The following SAMD12 variants were observed in gnomAD, a reference collection of about 807,000 sequenced individuals.
The protein encoded by SAMD12 is sterile alpha motif domain-containing protein 12.
SAMD12 carries 9 observed loss-of-function variants against 15.0 expected under a neutral mutation model. That is an observed-to-expected ratio of 0.60 (90% CI 0.36 to 1.05). The LOEUF is 1.05. SAMD12 is among the 50% of genes least tolerant of loss of function. SAMD12 has a pLI of 0.01. For missense variants in SAMD12, 230 were observed against 234.2 expected (o/e 0.98, Z 0.12); for synonymous variants, 86 against 90.1 (o/e 0.96, Z 0.25).
chr8:118,566,432 C>T (rs752688943), intron 2 of SAMD12, among the ~76,000 whole-genome samples: 4 of 152,068 alleles, frequency 2.6e-5, no homozygotes, highest in Admixed American at 6.6e-5. Flanking sequence ...TTTTGAGATA[C>T]GGTTACCCAA....
intron 4 of SAMD12, among the ~76,000 whole-genome samples, chr8:118,257,440 G>C (rs1812973461): frequency 6.6e-6 from 1 of 152,100 alleles, no homozygotes; most frequent in African/African-American, 2.4e-5. Flanking sequence ...GGGTTACTGT[G>C]TTCCAAGAAT....
chr8:118,606,142 C>T (rs540867950), intron 1 of SAMD12, among the ~76,000 whole-genome samples: 47 of 152,020 alleles, frequency 3.1e-4, no homozygotes, highest in Non-Finnish European at 6.3e-4. Flanking sequence ...GCATTAGGTA[C>T]CTTGGAGACC....
intron 2 of SAMD12, among the ~76,000 whole-genome samples, chr8:118,486,372 C>A (rs1046069709): frequency 1.5e-4 from 22 of 151,174 alleles, no homozygotes; most frequent in African/African-American, 4.4e-4. Context: ...GCCGAGATTG[C>A]GCCACTGCAC....
intron 2 of SAMD12, among the ~76,000 whole-genome samples, chr8:118,531,287 T>G (rs1825678315): frequency 6.6e-6 from 1 of 152,252 alleles, no homozygotes; most frequent in Non-Finnish European, 1.5e-5. Flanking sequence ...CATTGGTCTA[T>G]ATCTCTGTTT....
At chr8:118,523,015 G>A (rs961351266) in intron 2 of SAMD12, among the ~76,000 whole-genome samples, 4 of 152,122 alleles carry the variant, frequency 2.6e-5, no homozygotes, top group African/African-American at 9.7e-5. Context: ...AGCTGAAAAT[G>A]CAATTTTATT....
chr8:118,304,698 T>A (rs1247163747), intron 4 of SAMD12, among the ~76,000 whole-genome samples: 1 of 150,604 alleles, frequency 6.6e-6, no homozygotes, highest in East Asian at 2.0e-4. Context: ...AGGTGGAGGT[T>A]GCAGTGAGCT....
chr8:118,319,847 T>C (rs185349794), intron 4 of SAMD12, among the ~76,000 whole-genome samples: 2 of 152,268 alleles, frequency 1.3e-5, no homozygotes, highest in East Asian at 1.9e-4. Flanking sequence ...GGTGTCTGAG[T>C]TTGAGATGCC....
chr8:118,579,869 C>T (rs1827241024), intron 2 of SAMD12, among the ~76,000 whole-genome samples: 1 of 152,102 alleles, frequency 6.6e-6, no homozygotes, highest in East Asian at 1.9e-4. Context: ...ACACTGTGCC[C>T]CCAACATGAA....
chr8:118,396,977 C>G (rs1250175048), intron 3 of SAMD12, among the ~76,000 whole-genome samples: 1 of 152,112 alleles, frequency 6.6e-6, no homozygotes, highest in Non-Finnish European at 1.5e-5. Flanking sequence ...ATGTTTCTGG[C>G]TTGGGCAATA....
At chr8:118,441,226 A>G (rs1178096676) in intron 2 of SAMD12, among the ~76,000 whole-genome samples, 2 of 152,198 alleles carry the variant, frequency 1.3e-5, no homozygotes, top group Non-Finnish European at 2.9e-5. Context: ...GTGTATTTAA[A>G]GTTACCCTTT....
At chr8:118,597,028 T>C (rs1473992318) in intron 1 of SAMD12, among the ~76,000 whole-genome samples, 2 of 152,012 alleles carry the variant, frequency 1.3e-5, no homozygotes, top group African/African-American at 4.8e-5. Flanking sequence ...GTGGATGGAA[T>C]CACATGTGCA....
intron 4 of SAMD12, among the ~76,000 whole-genome samples, chr8:118,209,544 C>A (rs888495572): frequency 6.6e-6 from 1 of 152,164 alleles, no homozygotes; most frequent in African/African-American, 2.4e-5. Context: ...CTTAAAGAAT[C>A]CACTTGGCAT....
chr8:118,282,004 A>T (rs1444116814), intron 4 of SAMD12: 1 of 302,104 alleles, frequency 3.3e-6, no homozygotes, highest in Non-Finnish European at 6.5e-6. Flanking sequence ...CTGAAGACAG[A>T]TGTTAATGAT....
chr8:118,599,495 C>A (rs1827802714), intron 1 of SAMD12, among the ~76,000 whole-genome samples: 1 of 152,162 alleles, frequency 6.6e-6, no homozygotes, highest in Non-Finnish European at 1.5e-5. Context: ...AGGTGCGGAG[C>A]GCTGCTGGTA....
intron 4 of SAMD12, among the ~76,000 whole-genome samples, chr8:118,367,765 A>G (rs1414875552): frequency 6.6e-6 from 1 of 152,188 alleles, no homozygotes; most frequent in East Asian, 1.9e-4. Context: ...ATCATTCCTG[A>G]TAGAAAAAGT....
rs181196042 is a variant in SAMD12 at position 118,248,152 on chromosome 8, T to C, written c.434-50420A>G. The stretch of plus-strand genomic sequence containing the variant: ...ATGGACTGGTAGGATCATTTCACCA[T>C]GGAAGACATGAAATTCTTCCACTGT... On this transcript the variant is annotated intron_variant, in intron 4 of 4. Coordinates refer to the SAMD12 transcript ENST00000409003. Among the ~76,000 whole-genome samples the C allele has an allele frequency of 1.1e-4, 17 of 152,248 alleles. No individual in the cohort carries two copies. The East Asian group carries it at 2.9e-3, about 26-fold the overall frequency.
At chr8:118,558,794 C>T (rs200108369) in intron 2 of SAMD12, among the ~76,000 whole-genome samples, 1 of 151,994 alleles carries the variant, frequency 6.6e-6, no homozygotes, top group East Asian at 1.9e-4. Flanking sequence ...CCTGACCTCG[C>T]GATCCACCCG....
chr8:118,162,760 A>G, the SAMD12 span, among the ~76,000 whole-genome samples: 31 of 152,286 alleles, frequency 2.0e-4, no homozygotes, highest in Non-Finnish European at 4.0e-4. Flanking sequence ...AGAGAATGAG[A>G]AAAGAGTGAA....
the SAMD12 span, among the ~76,000 whole-genome samples, chr8:118,144,679 G>A: frequency 1.3e-5 from 2 of 151,984 alleles, no homozygotes; most frequent in African/African-American, 4.8e-5. Flanking sequence ...CAAGGAAGGT[G>A]GGAAAAGGGA....
Sources: gnomAD v4.1 joint callset for allele counts (sites outside exome capture counted in the v4.1 genomes callset) on GRCh38, gnomAD v4.1.1 for gene constraint, MANE v1.5 for transcripts, NCBI Gene and HGNC (gene_info 2026-07-23, HGNC 2026-07-21) for gene names.